Variants in ZFHX3 observed in about 807,000 individuals in gnomAD.
ZFHX3 encodes zinc finger homeobox protein 3.
ZFHX3 carries 42 observed loss-of-function variants against 279.1 expected under a neutral mutation model. That is an observed-to-expected ratio of 0.15 (90% CI 0.12 to 0.19). The LOEUF is 0.19. Ranked by LOEUF, ZFHX3 falls within the 10% of genes least tolerant of loss-of-function variation. The pLI is 1.00. For synonymous variants in ZFHX3, 2,293 were observed against 1,957.8 expected (o/e 1.17, Z -4.52); for missense variants, 4,981 against 4,754.0 (o/e 1.05, Z -1.40).
At chr16:73,672,013 A>T (rs4243137) in intron 2 of ZFHX3, among the ~76,000 whole-genome samples, 91,797 of 151,328 alleles carry the variant, frequency 0.61, 29,181 homozygotes, top group Middle Eastern at 0.83. Flanking sequence ...GAAAATTGAC[A>T]CTACCCAAGA....
At chr16:73,329,239 C>G (rs190595132) in intron 3 of ZFHX3, among the ~76,000 whole-genome samples, 2 of 152,326 alleles carry the variant, frequency 1.3e-5, no homozygotes, top group Non-Finnish European at 2.9e-5. Context: ...CAATTCATCA[C>G]GCTCTTGGCA....
intron 1 of ZFHX3, among the ~76,000 whole-genome samples, chr16:73,000,948 T>G (rs1963473537): frequency 6.6e-6 from 1 of 152,202 alleles, no homozygotes; most frequent in South Asian, 2.1e-4. Flanking sequence ...TCAGTCCTTA[T>G]GATCCCTGGT....
chr16:73,010,328 C>T (rs374467053), intron 1 of ZFHX3, among the ~76,000 whole-genome samples: 1 of 152,154 alleles, frequency 6.6e-6, no homozygotes, highest in East Asian at 1.9e-4. Flanking sequence ...TTCATCCCCA[C>T]GAGAGGTTCA....
chr16:72,971,394 T>C (rs1275425839), intron 1 of ZFHX3, among the ~76,000 whole-genome samples: 1 of 152,166 alleles, frequency 6.6e-6, no homozygotes, highest in East Asian at 1.9e-4. Context: ...TGAGCACTAT[T>C]TTTCTGAACA....
chr16:73,127,360 T>C (rs1017523721), intron 7 of ZFHX3: 1 of 1,305,260 alleles, frequency 7.7e-7, no homozygotes, highest in Admixed American at 2.3e-5. Context: ...AAAAGTCAAT[T>C]CCACTTAACT....
intron 1 of ZFHX3, among the ~76,000 whole-genome samples, chr16:72,966,087 G>T (rs146630773): frequency 1.3e-5 from 2 of 152,052 alleles, no homozygotes; most frequent in African/African-American, 4.8e-5. Flanking sequence ...TATTTTAAGC[G>T]TCAACACAGA....
intron 2 of ZFHX3, among the ~76,000 whole-genome samples, chr16:73,652,426 A>G (rs1038204): frequency 0.83 from 126,436 of 152,200 alleles, 53,458 homozygotes; most frequent in East Asian, 0.97. Flanking sequence ...TTTTAAACAA[A>G]TAAAAACTGA....
At position 73,741,394 on chromosome 16, in the gene ZFHX3, T is replaced by G. The variant is rs550571174; in HGVS notation, c.-1607-61154A>C. Among the ~76,000 whole-genome samples, 3 of 152,318 alleles carry G rather than the reference T, an allele frequency of 2.0e-5. No homozygotes were observed. In the South Asian group the frequency reaches 6.2e-4, roughly 32 times the overall value. ...TGAATCCTCAAGTTCATGCTCTACC[T>G]AAAGCCACTTCTCCATGCTCCAGAA... On this transcript the variant is annotated intron_variant, in intron 1 of 17. Coordinates refer to the ZFHX3 transcript ENST00000641206.
intron 5 of ZFHX3, among the ~76,000 whole-genome samples, chr16:72,813,920 A>C (rs1960990471): frequency 6.6e-6 from 1 of 152,188 alleles, no homozygotes; most frequent in Non-Finnish European, 1.5e-5. Context: ...GCTCCTGAAC[A>C]CATCTACATT....
intron 1 of ZFHX3, among the ~76,000 whole-genome samples, chr16:73,755,438 G>T (rs145330812): frequency 3.5e-4 from 54 of 152,250 alleles, no homozygotes; most frequent in African/African-American, 1.3e-3. Flanking sequence ...TAAGTAGATG[G>T]GGCCTGGACT....
chr16:73,377,902 G>T (rs1597308401), intron 3 of ZFHX3, among the ~76,000 whole-genome samples: 1 of 150,726 alleles, frequency 6.6e-6, no homozygotes, highest in Admixed American at 6.6e-5. Context: ...GCGTGGTGCC[G>T]AGCGCCTGTA....
chr16:73,188,305 C>T (rs752683572), intron 5 of ZFHX3, among the ~76,000 whole-genome samples: 7 of 152,336 alleles, frequency 4.6e-5, no homozygotes, highest in Admixed American at 1.3e-4. Flanking sequence ...AGCGATCCTC[C>T]GGCCTCGGCC....
At chr16:73,298,250 T>C (rs1469352119) in intron 4 of ZFHX3, among the ~76,000 whole-genome samples, 3 of 149,380 alleles carry the variant, frequency 2.0e-5, no homozygotes, top group African/African-American at 2.5e-5. Context: ...GAGCTTGATC[T>C]CAGCTCACTG....
At chr16:72,993,589 C>T (rs970616299) in intron 1 of ZFHX3, among the ~76,000 whole-genome samples, 1 of 152,156 alleles carries the variant, frequency 6.6e-6, no homozygotes, top group African/African-American at 2.4e-5. Flanking sequence ...ACAAGCGATG[C>T]CCAACAGCAC....
chr16:73,882,356 T>G (rs2030196683), intron 1 of ZFHX3, among the ~76,000 whole-genome samples: 1 of 152,134 alleles, frequency 6.6e-6, no homozygotes, highest in Non-Finnish European at 1.5e-5. Flanking sequence ...AAAAAAGCTT[T>G]AAAGGATTAT....
At chr16:73,728,495 T>C (rs901078441) in intron 1 of ZFHX3, among the ~76,000 whole-genome samples, 1 of 152,220 alleles carries the variant, frequency 6.6e-6, no homozygotes, top group African/African-American at 2.4e-5. Context: ...ACAGTGCTGT[T>C]TGCTGTTCTA....
At chr16:73,026,254 A>G (rs1964496392) in intron 1 of ZFHX3, among the ~76,000 whole-genome samples, 1 of 147,030 alleles carries the variant, frequency 6.8e-6, no homozygotes, top group South Asian at 2.2e-4. Context: ...CTGTAATCCC[A>G]GCAACTTGGG....
At chr16:73,371,487 C>A (rs1350785412) in intron 3 of ZFHX3, among the ~76,000 whole-genome samples, 1 of 151,776 alleles carries the variant, frequency 6.6e-6, no homozygotes, top group Admixed American at 6.6e-5. Flanking sequence ...TGCCAACCTC[C>A]AATTTTACAG....
At chr16:73,105,436 C>CACACATATATATATATATAT (rs1311060900) in intron 7 of ZFHX3, among the ~76,000 whole-genome samples, 10 of 83,956 alleles carry the variant, frequency 1.2e-4, no homozygotes, top group African/African-American at 5.6e-4. Context: ...TATATATACA[C>CACACATATATATATATATAT]ACACACACAT....
Sources: allele counts gnomAD v4.1 joint callset (sites outside exome capture counted in the v4.1 genomes callset), GRCh38; gene constraint gnomAD v4.1.1; transcripts MANE v1.5; gene names NCBI Gene and HGNC (gene_info 2026-07-23, HGNC 2026-07-21).